Variants in HS6ST3 observed in about 807,000 individuals in gnomAD.
HS6ST3 encodes the protein heparan-sulfate 6-O-sulfotransferase 3.
Under a neutral mutation model 36.7 loss-of-function variants are expected in HS6ST3, and 12 were observed. The observed-to-expected ratio is 0.33, with a 90% CI of 0.21 to 0.53. HS6ST3 has a LOEUF of 0.53. Among genes scored for constraint, HS6ST3 ranks in the 20% least tolerant of loss-of-function variants. HS6ST3 has a pLI of 0.95. For synonymous variants in HS6ST3, 240 were observed against 257.5 expected (o/e 0.93, Z 0.65); for missense variants, 584 against 640.9 (o/e 0.91, Z 0.96).
intron 1 of HS6ST3, among the ~76,000 whole-genome samples, chr13:96,250,481 AAGACATATGC>A (rs1454646849): frequency 6.6e-6 from 1 of 152,224 alleles, no homozygotes; most frequent in Non-Finnish European, 1.5e-5. Flanking sequence ...AGGCTGTGTG[AAGACATATGC>A]AGAGATTGGA....
At chr13:96,093,388 A>T (rs1013483232) in intron 1 of HS6ST3, among the ~76,000 whole-genome samples, 2 of 152,290 alleles carry the variant, frequency 1.3e-5, no homozygotes, top group African/African-American at 2.4e-5. Context: ...TCTCACTTCT[A>T]TAGGAAATAC....
intron 1 of HS6ST3, among the ~76,000 whole-genome samples, chr13:96,558,972 G>T (rs149550186): frequency 6.6e-6 from 1 of 152,058 alleles, no homozygotes; most frequent in Non-Finnish European, 1.5e-5. Flanking sequence ...TGGTGGGCTT[G>T]TGTTTTTTTA....
chr13:96,492,397 G>A (rs1206634081), intron 1 of HS6ST3, among the ~76,000 whole-genome samples: 1 of 152,150 alleles, frequency 6.6e-6, no homozygotes, highest in African/African-American at 2.4e-5. Context: ...TAGGGCTGTT[G>A]TATAATACCA....
In HS6ST3 at chr13:96,189,547, C is replaced by T. The variant is rs545262442; in HGVS notation, c.707+97978C>T. On this transcript the variant is annotated intron_variant, in intron 1 of 1. Transcript: ENST00000376705. ...GTCCTCATCTTGAGGTATGCACTTT[C>T]GTCTTACCATTCCAGAAGCATTTAG... 5.9e-5 allele frequency among the ~76,000 whole-genome samples: 9 copies of T among 152,166 alleles called. No homozygotes were observed. The South Asian group carries it at 8.3e-4, about 14-fold the overall frequency.
Position 96,720,131 on chromosome 13 carries a change from G to A in HS6ST3, c.708-112359G>A, listed in dbSNP as rs145237535. On this transcript the variant is annotated intron_variant, in intron 1 of 1. Transcript: ENST00000376705. ...GACACTGAAGACAGTAATTAAACAC[G>A]TCACTCTGCCTCCTATAAATGCCTG... 5.8e-4 allele frequency among the ~76,000 whole-genome samples: 89 copies of A among 152,138 alleles called. 1 individual carries two copies. Among genetic ancestry groups the A allele is most frequent in the African/African-American group, 2.0e-3 (82 of 41,506 alleles).
At chr13:96,505,734 C>A (rs2056023605) in intron 1 of HS6ST3, among the ~76,000 whole-genome samples, 1 of 152,086 alleles carries the variant, frequency 6.6e-6, no homozygotes, top group South Asian at 2.1e-4. Context: ...TTCATAAGCA[C>A]ACAGAGAAAA....
At chr13:96,407,629 A>C (rs1350735187) in intron 1 of HS6ST3, among the ~76,000 whole-genome samples, 2 of 152,250 alleles carry the variant, frequency 1.3e-5, no homozygotes, top group Non-Finnish European at 1.5e-5. Flanking sequence ...TTGATAACCT[A>C]GCAAGATCAA....
chr13:96,761,214 G>A (rs1267326393), intron 1 of HS6ST3, among the ~76,000 whole-genome samples: 1 of 151,588 alleles, frequency 6.6e-6, no homozygotes, highest in African/African-American at 2.4e-5. Flanking sequence ...TCCCTGTGAA[G>A]TGCTGGCAAT....
At chr13:96,527,240 C>T (rs1296618766) in intron 1 of HS6ST3, among the ~76,000 whole-genome samples, 1 of 152,006 alleles carries the variant, frequency 6.6e-6, no homozygotes, top group East Asian at 1.9e-4. Context: ...CAGGTGTGAG[C>T]CATCACACTG....
At chr13:96,423,791 A>T (rs576795173) in intron 1 of HS6ST3, among the ~76,000 whole-genome samples, 1 of 152,162 alleles carries the variant, frequency 6.6e-6, no homozygotes, top group South Asian at 2.1e-4. Context: ...ATCAGTCTGG[A>T]TACTGTGTCG....
intron 1 of HS6ST3, among the ~76,000 whole-genome samples, chr13:96,512,125 G>T (rs2056052440): frequency 6.6e-6 from 1 of 152,148 alleles, no homozygotes; most frequent in South Asian, 2.1e-4. Flanking sequence ...CTCTGGCTAG[G>T]ACTTCCAGAA....
At chr13:96,369,165 A>C (rs2055277617) in intron 1 of HS6ST3, among the ~76,000 whole-genome samples, 1 of 152,098 alleles carries the variant, frequency 6.6e-6, no homozygotes, top group South Asian at 2.1e-4. Flanking sequence ...CCATAGGTTC[A>C]TCCCTTCCTC....
chr13:96,598,992 ATCCC>A (rs2056412046), intron 1 of HS6ST3, among the ~76,000 whole-genome samples: 1 of 152,130 alleles, frequency 6.6e-6, no homozygotes, highest in Non-Finnish European at 1.5e-5. Flanking sequence ...ATGTTGAACC[ATCCC>A]TGCATCCCTG....
chr13:96,123,565 A>G (rs556873846), intron 1 of HS6ST3, among the ~76,000 whole-genome samples: 11 of 152,300 alleles, frequency 7.2e-5, no homozygotes, highest in Admixed American at 2.6e-4. Flanking sequence ...ATGTCAACTC[A>G]TGAGACCTTT....
intron 1 of HS6ST3, among the ~76,000 whole-genome samples, chr13:96,193,384 TA>T (rs994278445): frequency 2.7e-4 from 41 of 152,084 alleles, no homozygotes; most frequent in Admixed American, 1.2e-3. Context: ...GGGATGTCAT[TA>T]AGGTAGTGTA....
At chr13:96,142,470 A>AGTG (rs2054036720) in intron 1 of HS6ST3, among the ~76,000 whole-genome samples, 1 of 152,214 alleles carries the variant, frequency 6.6e-6, no homozygotes, top group Admixed American at 6.5e-5. Flanking sequence ...GTACCGAGTC[A>AGTG]GTGACTCCTA....
rs1325062434 is a variant in HS6ST3, at chr13:96,240,413, T to A, written c.707+148844T>A. ...AGCTTTAGTACTCTATTGCTAAGAA[T>A]GGTGGCTATAATACATAATAATGTA... is the stretch of plus-strand genomic sequence containing the variant. On this transcript the variant is annotated intron_variant, in intron 1 of 1. Coordinates refer to ENST00000376705, the MANE Select transcript of HS6ST3 (RefSeq NM_153456.4). 2.6e-5 allele frequency among the ~76,000 whole-genome samples: 4 copies of A among 152,304 alleles called. No individual in the cohort carries two copies. In the East Asian group the frequency reaches 7.7e-4, roughly 29 times the overall value.
intron 1 of HS6ST3, among the ~76,000 whole-genome samples, chr13:96,446,495 A>G (rs954732448): frequency 3.9e-5 from 6 of 152,204 alleles, no homozygotes; most frequent in Non-Finnish European, 8.8e-5. Flanking sequence ...TTCCCCTCTC[A>G]CAATGATAGG....
intron 1 of HS6ST3, among the ~76,000 whole-genome samples, chr13:96,332,628 T>A (rs1448039671): frequency 6.6e-6 from 1 of 152,222 alleles, no homozygotes; most frequent in Non-Finnish European, 1.5e-5. Context: ...GACATCTCAT[T>A]TGAAAAAGTA....
Sources: gnomAD v4.1 joint callset for allele counts (sites outside exome capture counted in the v4.1 genomes callset) on GRCh38, gnomAD v4.1.1 for gene constraint, MANE v1.5 for transcripts, NCBI Gene and HGNC (gene_info 2026-07-23, HGNC 2026-07-21) for gene names.